Variants in DAB1 observed in about 807,000 individuals in gnomAD.
DAB1 encodes disabled homolog 1.
In DAB1, 15 loss-of-function variants were observed where a neutral mutation model predicts 64.6. That is an observed-to-expected ratio of 0.23 (90% CI 0.16 to 0.36). The LOEUF is 0.36. Among genes scored for constraint, DAB1 ranks in the 10% least tolerant of loss-of-function variants. The pLI is 1.00. For synonymous variants in DAB1, 235 were observed against 251.9 expected (o/e 0.93, Z 0.64); for missense variants, 596 against 706.7 (o/e 0.84, Z 1.78).
At chr1:57,582,070 C>T (rs1007964926) in intron 7 of DAB1, among the ~76,000 whole-genome samples, 8 of 152,132 alleles carry the variant, frequency 5.3e-5, no homozygotes, top group African/African-American at 1.4e-4. Context: ...TCTCTTCCTA[C>T]TCTTAAAAGG....
chr1:57,920,513 T>C (rs771796353), intron 5 of DAB1, among the ~76,000 whole-genome samples: 1 of 152,072 alleles, frequency 6.6e-6, no homozygotes, highest in Non-Finnish European at 1.5e-5. Flanking sequence ...AAACAGGGTC[T>C]TGCCATGTTG....
intron 7 of DAB1, among the ~76,000 whole-genome samples, chr1:57,466,792 C>G (rs1212786329): frequency 6.6e-6 from 1 of 152,144 alleles, no homozygotes; most frequent in Non-Finnish European, 1.5e-5. Context: ...GGTTGTCAGC[C>G]AGGGACTACT....
intron 2 of DAB1, among the ~76,000 whole-genome samples, chr1:57,218,726 T>C (rs757364943): frequency 1.3e-5 from 2 of 152,024 alleles, no homozygotes; most frequent in Non-Finnish European, 1.5e-5. Context: ...TGTTCTGTGT[T>C]CACAGTGACT....
intron 7 of DAB1, among the ~76,000 whole-genome samples, chr1:57,607,154 T>C (rs1176497067): frequency 1.3e-5 from 2 of 152,158 alleles, no homozygotes; most frequent in Non-Finnish European, 2.9e-5. Flanking sequence ...TTGACTGGAA[T>C]TTTATTTAAA....
At chr1:58,349,459 T>C (rs990834106) in intron 3 of DAB1, among the ~76,000 whole-genome samples, 4 of 151,888 alleles carry the variant, frequency 2.6e-5, no homozygotes, top group Non-Finnish European at 5.9e-5. Flanking sequence ...ATTATTATCA[T>C]TATTACTATT....
rs570992756 is a variant in DAB1 at position 57,075,523 on chromosome 1, G to A, written c.307-3109C>T. 3.9e-5 allele frequency among the ~76,000 whole-genome samples: 6 copies of A among 152,150 alleles called. No individual in the cohort carries two copies. The East Asian group carries it at 9.6e-4, about 24-fold the overall frequency. On this transcript the variant is annotated intron_variant, in intron 4 of 14. Transcript: ENST00000371236. Reference sequence around the variant, plus strand: ...TCTCTGCAACCTTAACCATGCAGACGTAACATAGATACTTAGAAATACAAA... The same window carrying A: ...TCTCTGCAACCTTAACCATGCAGACATAACATAGATACTTAGAAATACAAA...
chr1:58,443,347 G>A (rs1286841068), intron 3 of DAB1, among the ~76,000 whole-genome samples: 3 of 152,194 alleles, frequency 2.0e-5, no homozygotes, highest in Admixed American at 6.5e-5. Flanking sequence ...AAGTGTTAAA[G>A]CTTTAAACAT....
intron 5 of DAB1, among the ~76,000 whole-genome samples, chr1:58,143,348 C>G (rs1218275143): frequency 1.3e-5 from 2 of 152,132 alleles, no homozygotes; most frequent in Non-Finnish European, 2.9e-5. Flanking sequence ...AACTGGCCAG[C>G]TAGCCACCCC....
intron 3 of DAB1, among the ~76,000 whole-genome samples, chr1:58,476,136 ACCTG>A (rs1645416213): frequency 6.6e-6 from 1 of 152,186 alleles, no homozygotes; most frequent in South Asian, 2.1e-4. Flanking sequence ...GGTATTAGGA[ACCTG>A]TCAGCTATGT....
chr1:57,352,057 G>A (rs1450407179), intron 1 of DAB1, among the ~76,000 whole-genome samples: 1 of 152,080 alleles, frequency 6.6e-6, no homozygotes, highest in African/African-American at 2.4e-5. Context: ...CCCCCAAAAT[G>A]ACTGCATTTC....
chr1:57,567,504 A>G (rs1178291598), intron 7 of DAB1, among the ~76,000 whole-genome samples: 3 of 152,220 alleles, frequency 2.0e-5, no homozygotes, highest in Non-Finnish European at 2.9e-5. Context: ...CTTGCAGATG[A>G]CATCATTGTA....
intron 4 of DAB1, among the ~76,000 whole-genome samples, chr1:58,231,832 A>T (rs1173662038): frequency 6.6e-6 from 1 of 152,224 alleles, no homozygotes; most frequent in Non-Finnish European, 1.5e-5. Context: ...TTAATTATGT[A>T]CTAGCTGCAC....
intron 2 of DAB1, among the ~76,000 whole-genome samples, chr1:57,223,759 A>G (rs897118595): frequency 1.2e-4 from 18 of 151,996 alleles, no homozygotes; most frequent in African/African-American, 4.3e-4. Flanking sequence ...AACACCCCCA[A>G]ACTCAGGTGG....
intron 1 of DAB1, among the ~76,000 whole-genome samples, chr1:57,853,302 A>G (rs1241488209): frequency 6.6e-6 from 1 of 151,940 alleles, no homozygotes; most frequent in East Asian, 1.9e-4. Flanking sequence ...AAGGTAGAGA[A>G]CCAGGTGGCT....
chr1:57,789,317 G>T (rs1247427863), intron 6 of DAB1, among the ~76,000 whole-genome samples: 1 of 152,104 alleles, frequency 6.6e-6, no homozygotes, highest in Admixed American at 6.5e-5. Context: ...AAGGGAATTG[G>T]GAGAGATGGT....
At chr1:58,262,951 G>C (rs1337467176) in intron 4 of DAB1, among the ~76,000 whole-genome samples, 16 of 152,198 alleles carry the variant, frequency 1.1e-4, no homozygotes. Context: ...ACACTGAGTA[G>C]AGTCAGCAGC....
At chr1:57,809,564 TAGGG>T (rs1651519394) in intron 6 of DAB1, among the ~76,000 whole-genome samples, 1 of 152,236 alleles carries the variant, frequency 6.6e-6, no homozygotes. Flanking sequence ...ACTAATATTT[TAGGG>T]TTCTCGGTAA....
chr1:58,242,800 G>C (rs1257049821), intron 4 of DAB1, among the ~76,000 whole-genome samples: 1 of 151,906 alleles, frequency 6.6e-6, no homozygotes, highest in African/African-American at 2.4e-5. Flanking sequence ...GGAAGTGCCA[G>C]GCAGGAAAAA....
At chr1:58,125,865 TGACTGG>T (rs1284594776) in intron 5 of DAB1, among the ~76,000 whole-genome samples, 4 of 152,108 alleles carry the variant, frequency 2.6e-5, no homozygotes, top group Admixed American at 6.6e-5. Flanking sequence ...CAGAGAGGCG[TGACTGG>T]TTTATGACAG....
Sources: gnomAD v4.1 joint callset for allele counts (sites outside exome capture counted in the v4.1 genomes callset) on GRCh38, gnomAD v4.1.1 for gene constraint, MANE v1.5 for transcripts, NCBI Gene and HGNC (gene_info 2026-07-23, HGNC 2026-07-21) for gene names.